Variants in RESF1 observed in about 807,000 individuals in gnomAD.
RESF1 encodes the protein gonad expressed transcript.
Under a neutral mutation model 134.7 loss-of-function variants are expected in RESF1, and 65 were observed. That is an observed-to-expected ratio of 0.48 (90% CI 0.40 to 0.59). The LOEUF (loss-of-function observed/expected upper bound fraction) is 0.59, where lower values mean the gene tolerates loss of function less well. RESF1 is among the 20% of genes least tolerant of loss of function. The pLI, the probability that RESF1 is intolerant of heterozygous loss-of-function variation, is 0.00. For synonymous variants in RESF1, 762 were observed against 702.2 expected (o/e 1.09, Z -1.35); for missense variants, 2,274 against 2,002.7 (o/e 1.14, Z -2.59).
At chr12:31,962,716 C>T (rs1939304210) in intron 2 of RESF1, among the ~76,000 whole-genome samples, 1 of 152,156 alleles carries the variant, frequency 6.6e-6, no homozygotes, top group Non-Finnish European at 1.5e-5. Context: ...TTGTATTGTC[C>T]AGTGAAGTTT....
At chr12:31,978,894 AT>A (rs890262340) in intron 3 of RESF1, among the ~76,000 whole-genome samples, 4 of 146,896 alleles carry the variant, frequency 2.7e-5, no homozygotes, top group African/African-American at 1.0e-4. Context: ...AGAAATTCTT[AT>A]CTTAGATTTT....
At chr12:31,977,244 G>A (rs944080711) in intron 3 of RESF1, among the ~76,000 whole-genome samples, 10 of 152,006 alleles carry the variant, frequency 6.6e-5, no homozygotes, top group Admixed American at 2.0e-4. Context: ...GCGGTGGTGC[G>A]ACCTCGGCTC....
At chr12:31,965,785 G>A (rs1429822563) in intron 2 of RESF1, among the ~76,000 whole-genome samples, 2 of 152,034 alleles carry the variant, frequency 1.3e-5, no homozygotes, top group East Asian at 1.9e-4. Context: ...CAGCTGCTGG[G>A]GAGGCTGAGG....
chr12:31,980,108 CTTTTTTTTT>C (rs61587386), intron 3 of RESF1, among the ~76,000 whole-genome samples: 1,162 of 114,446 alleles, frequency 0.01, 21 homozygotes, highest in African/African-American at 0.035. Flanking sequence ...TTTTCTTTTC[CTTTTTTTTT>C]TTTTTTTTTT....
chr12:31,980,344 C>T (rs1017672427), intron 3 of RESF1, among the ~76,000 whole-genome samples: 1 of 152,112 alleles, frequency 6.6e-6, no homozygotes, highest in African/African-American at 2.4e-5. Context: ...CTCTTGGCCT[C>T]AGGTGATCCA....
chr12:31,992,664 T>C lies in RESF1; in HGVS notation c.*129T>C. The C allele has an allele frequency of 2.0e-6, 2 of 986,868 alleles. No individual in the cohort carries two copies. Among genetic ancestry groups the C allele is most frequent in the Non-Finnish European group, 3.1e-6 (2 of 641,566 alleles). The allele number at this position is 986,868 out of a possible 1,614,324, so 61.1% of individuals were successfully genotyped here. ...GAGTTTGGTTCCCACTTTCATTGTATTTCATTGAAAGTGCTTAATTAAAAT... is the reference window on the plus strand; with the variant it reads ...GAGTTTGGTTCCCACTTTCATTGTACTTCATTGAAAGTGCTTAATTAAAAT... On this transcript the variant is annotated 3_prime_UTR_variant, in exon 6 of 6. Coordinates refer to ENST00000312561, the MANE Select transcript of RESF1 (RefSeq NM_018169.4).
chr12:31,959,663 G>GGCCCCGC (rs1939207188), intron 1 of RESF1, 172 bp downstream of exon 1: 1 of 151,076 alleles, frequency 6.6e-6, no homozygotes, highest in African/African-American at 2.4e-5. Flanking sequence ...CCGGGCCTCG[G>GGCCCCGC]GCCCCGCCGG....
intron 2 of RESF1, among the ~76,000 whole-genome samples, chr12:31,961,448 T>C (rs919832774): frequency 2.0e-5 from 3 of 152,216 alleles, no homozygotes; most frequent in Non-Finnish European, 4.4e-5. Flanking sequence ...CAAGCACTAA[T>C]GTCATAGGAT....
At chr12:31,962,602 C>T (rs753004872) in intron 2 of RESF1, 4 of 152,084 alleles carry the variant, frequency 2.6e-5, no homozygotes, top group Admixed American at 6.6e-5. Context: ...TTTTCATGAT[C>T]GCAAAGATTT....
Position 31,984,569 on chromosome 12 carries a change from A to G in RESF1, c.3614A>G (p.Glu1205Gly), listed in dbSNP as rs1939911478. ...TCTTCAGAGGAAGAGAAACAAAAAG[A>G]GCAGTGTTCTCCTTTGGATACCAAC... ...NSSSEEEKQK[E>G]QCSPLDTNSC... Residue 1205 changes from glutamate (E) to glycine (G), a missense_variant, in exon 4 of 6, where the codon GAG (glutamate) becomes GGG (glycine). Coordinates refer to ENST00000312561, the MANE Select transcript of RESF1 (RefSeq NM_018169.4). The G allele has an allele frequency of 1.3e-6, 2 of 1,588,232 alleles. No homozygotes were observed. Among genetic ancestry groups the G allele is most frequent in the African/African-American group, 2.7e-5 (2 of 73,628 alleles).
intron 1 of RESF1, among the ~76,000 whole-genome samples, chr12:31,960,127 AT>A (rs1939227477): frequency 6.6e-6 from 1 of 152,106 alleles, no homozygotes; most frequent in African/African-American, 2.4e-5. Context: ...TCCTTGAGGC[AT>A]TTTTAAATGC....
chr12:31,961,519 G>A (rs183530110), intron 2 of RESF1, among the ~76,000 whole-genome samples: 68 of 152,324 alleles, frequency 4.5e-4, no homozygotes, highest in African/African-American at 1.6e-3. Context: ...CTGATGCATG[G>A]CAAGTGCCCA....
rs1939475833 is a variant in RESF1 at position 31,970,186 on chromosome 12, C to G, written c.-246-3C>G. ...CCATAATTATCTTTATGCTTTCTTG[C>G]AGCTGTTTACTTCTAATTATTTCCT... On this transcript the variant is annotated splice_polypyrimidine_tract_variant and splice_region_variant and intron_variant, in intron 2 of 5. Coordinates refer to ENST00000312561, the MANE Select transcript of RESF1 (RefSeq NM_018169.4). The G allele has an allele frequency of 6.6e-6, 1 of 152,178 alleles. No individual in the cohort carries two copies. Among genetic ancestry groups the G allele is most frequent in the Non-Finnish European group, 1.5e-5 (1 of 68,034 alleles). 9.4% of individuals were successfully genotyped at this position (152,178 alleles called of 1,614,324 possible). A position where few individuals can be genotyped will look rare whatever the true frequency, so the allele number is the denominator to read the frequency against.
At chr12:31,991,880 T>C (rs1164469750) in intron 5 of RESF1, among the ~76,000 whole-genome samples, 1 of 152,102 alleles carries the variant, frequency 6.6e-6, no homozygotes, top group African/African-American at 2.4e-5. Context: ...TGGGTCATTA[T>C]GAAAAAAGGA....
At position 31,983,985 on chromosome 12, in the gene RESF1, G is replaced by A. The variant is rs952536084; in HGVS notation, c.3030G>A (p.Thr1010=). 62 of 1,613,900 alleles carry A rather than the reference G, an allele frequency of 3.8e-5. No individual in the cohort carries two copies. Among genetic ancestry groups the A allele is most frequent in the Middle Eastern group, 1.6e-4 (1 of 6,062 alleles). ...HATEKSTAND[T]CSSAAIQEDI... ...CTGAAAAAAGCACAGCTAACGATAC[G>A]TGCTCGTCAGCTGCTATTCAGGAGG... is the stretch of plus-strand genomic sequence containing the variant. The change falls in exon 4 of 6, where the codon ACG becomes ACA. Residue 1010 remains threonine, a synonymous_variant. Coordinates refer to ENST00000312561, the MANE Select transcript of RESF1 (RefSeq NM_018169.4).
At position 31,983,251 on chromosome 12, in the gene RESF1, T is replaced by A. The variant is rs755885585; in HGVS notation, c.2296T>A (p.Leu766Ile). The A allele has an allele frequency of 1.7e-5, 27 of 1,612,098 alleles. No homozygotes were observed. Among genetic ancestry groups the A allele is most frequent in the Non-Finnish European group, 2.1e-5 (25 of 1,179,072 alleles). ...ACTTCAGATAGCTGTAGTGTCACCG[T>A]TAGTTCTGTCAGAGGTCAAAACATT... is the stretch of plus-strand genomic sequence containing the variant. ...TELQIAVVSPLVLSEVKTLSV... is the reference protein window; with the variant it reads ...TELQIAVVSPIVLSEVKTLSV... Residue 766 changes from leucine (L) to isoleucine (I), a missense_variant, in exon 4 of 6, where the codon TTA becomes ATA. Transcript: ENST00000312561.
At position 31,982,126 on chromosome 12, in the gene RESF1, G is replaced by GA; in HGVS notation, c.1175dup (p.Leu393AlafsTer6). ...AGTACTGGACACAAGTGTTGCAAAA[G>GA]AAAAGCTAGTAAGGGATATTAAAAC... On this transcript the variant is annotated frameshift_variant, in exon 4 of 6. Transcript: ENST00000312561. LOFTEE classifies it high-confidence loss of function. 6.2e-7 allele frequency: 1 copy of GA among 1,613,976 alleles called. No homozygotes were observed. The highest frequency in any genetic ancestry group is 8.5e-7 in the Non-Finnish European group (1 of 1,179,986).
At chr12:31,989,124 C>T (rs1052108399) in intron 5 of RESF1, among the ~76,000 whole-genome samples, 11 of 151,458 alleles carry the variant, frequency 7.3e-5, no homozygotes, top group African/African-American at 1.7e-4. Context: ...GGGCTGGGCA[C>T]GGTGGCTCAC....
Position 31,980,108 on chromosome 12 carries a change from C to CTTTT in RESF1, c.-78-753_-78-750dup, listed in dbSNP as rs61587386. Among the ~76,000 whole-genome samples, 130 of 114,404 alleles carry CTTTT rather than the reference C, an allele frequency of 1.1e-3. 3 individuals carry two copies. The highest frequency in any genetic ancestry group is 1.5e-3 in the Non-Finnish European group (89 of 57,896). 75.1% of individuals were successfully genotyped at this position (114,404 alleles called of 152,430 possible). A position where few individuals can be genotyped will look rare whatever the true frequency, so the allele number is the denominator to read the frequency against. On this transcript the variant is annotated intron_variant, in intron 3 of 5. Transcript: ENST00000312561. ...TGCTTATGCCAGAAATTTTCTTTTC[C>CTTTT]TTTTTTTTTTTTTTTTTTTTGAAAC...
Sources: allele counts gnomAD v4.1 joint callset (sites outside exome capture counted in the v4.1 genomes callset), GRCh38; gene constraint gnomAD v4.1.1; transcripts MANE v1.5; gene names NCBI Gene and HGNC (gene_info 2026-07-23, HGNC 2026-07-21).